The following PEPD variants were observed in gnomAD, a reference collection of about 807,000 sequenced individuals.
PEPD encodes the protein peptidase D.
Under a neutral mutation model 60.7 loss-of-function variants are expected in PEPD, and 53 were observed. The ratio of observed to expected loss-of-function variants is 0.87; its 90% CI spans 0.70 to 1.10. The LOEUF (loss-of-function observed/expected upper bound fraction) is 1.10, where lower values mean the gene tolerates loss of function less well. Among genes scored for constraint, PEPD ranks in the 50% least tolerant of loss-of-function variants. The pLI is 0.00. For missense variants in PEPD, 711 were observed against 711.9 expected (o/e 1.00, Z 0.01); for synonymous variants, 267 against 284.1 (o/e 0.94, Z 0.60).
Position 33,391,312 on chromosome 19 carries a change from C to T in PEPD, c.1135G>A (p.Val379Met), listed in dbSNP as rs771617102. 32 of 1,611,464 alleles carry T rather than the reference C, an allele frequency of 2.0e-5. No individual in the cohort carries two copies. Among genetic ancestry groups the T allele is most frequent in the Admixed American group, 3.3e-5 (2 of 59,840 alleles). ...GHFLGIDVHD[V>M]GGYPEGVERI... ...ACACTGACCTCTGGGTAGCCTCCCACGTCGTGCACGTCAATGCCCAGGAAG... is the reference window on the plus strand; with the variant it reads ...ACACTGACCTCTGGGTAGCCTCCCATGTCGTGCACGTCAATGCCCAGGAAG... Residue 379 changes from valine (V) to methionine (M), a missense_variant, in exon 13 of 15, where the codon GTG becomes ATG. By Grantham distance (21) the Val-to-Met change is conservative (BLOSUM62 1). Transcript: ENST00000244137.
At chr19:33,399,591 G>T (rs1320430901) in intron 12 of PEPD, among the ~76,000 whole-genome samples, 2 of 152,110 alleles carry the variant, frequency 1.3e-5, no homozygotes, top group African/African-American at 4.8e-5. Flanking sequence ...GCAAAGGCCT[G>T]CCCACAGTCT....
At chr19:33,478,172 C>T in intron 6 of PEPD, 82 bp from the exon 7 acceptor site, 1 of 864,766 alleles carries the variant, frequency 1.2e-6, no homozygotes, top group Non-Finnish European at 1.9e-6. Context: ...AAGACATGCA[C>T]ACGTGATGCA....
At chr19:33,391,111 CCT>C (rs978358342) in intron 13 of PEPD, among the ~76,000 whole-genome samples, 182 bp downstream of exon 13, 18 of 152,270 alleles carry the variant, frequency 1.2e-4, no homozygotes, top group South Asian at 4.1e-4. Flanking sequence ...CAGATGCACC[CCT>C]GTCTTGGCCA....
At chr19:33,435,220 ACCCAAAGGCCCCT>A (rs905223545) in intron 9 of PEPD, among the ~76,000 whole-genome samples, 2 of 152,064 alleles carry the variant, frequency 1.3e-5, no homozygotes, top group African/African-American at 4.8e-5. Context: ...TCATTTCCAA[ACCCAAAGGCCCCT>A]CGGCTGGGCC....
intron 9 of PEPD, among the ~76,000 whole-genome samples, chr19:33,448,146 A>C (rs557120035): frequency 6.6e-6 from 1 of 152,200 alleles, no homozygotes; most frequent in African/African-American, 2.4e-5. Context: ...TCCCGCAGGG[A>C]GCGTCTTTCG....
intron 6 of PEPD, among the ~76,000 whole-genome samples, chr19:33,484,573 G>A (rs1026344249): frequency 2.0e-5 from 3 of 152,150 alleles, no homozygotes; most frequent in Non-Finnish European, 2.9e-5. Context: ...ACACACAGAT[G>A]TAGGCAGGCA....
intron 4 of PEPD, among the ~76,000 whole-genome samples, chr19:33,499,139 C>T (rs1437174850): frequency 6.6e-6 from 1 of 152,072 alleles, no homozygotes; most frequent in Non-Finnish European, 1.5e-5. Flanking sequence ...ATAAACGTTC[C>T]GTCTATTTTA....
chr19:33,447,985 A>C (rs1969623190), intron 9 of PEPD, among the ~76,000 whole-genome samples: 1 of 152,168 alleles, frequency 6.6e-6, no homozygotes. Context: ...GAGGAGCCTC[A>C]ACTTTGGTTT....
chr19:33,442,963 A>G (rs1289033411), intron 9 of PEPD, among the ~76,000 whole-genome samples: 1 of 152,142 alleles, frequency 6.6e-6, no homozygotes, highest in Non-Finnish European at 1.5e-5. Context: ...CTGCCTCCCC[A>G]GGGCCCAGAA....
chr19:33,400,199 G>A lies in PEPD; in HGVS notation c.967+1522C>T, dbSNP rs534632886. Among the ~76,000 whole-genome samples, 527 of 152,286 alleles carry A rather than the reference G, an allele frequency of 3.5e-3. 4 individuals carry two copies. The highest frequency in any genetic ancestry group is 0.012 in the African/African-American group (510 of 41,564). On this transcript the variant is annotated intron_variant, in intron 12 of 14. Transcript: ENST00000244137. ...GGGCGAGGGTGGGGGCAAGCTGGGG[G>A]GGCTGGACTATGACCTGGGCATGGC... is the stretch of plus-strand genomic sequence containing the variant.
intron 9 of PEPD, among the ~76,000 whole-genome samples, chr19:33,438,168 AG>A (rs1969416611): frequency 6.6e-6 from 1 of 152,202 alleles, no homozygotes; most frequent in African/African-American, 2.4e-5. Flanking sequence ...GGGCAGACCC[AG>A]GGTGCTGGGT....
intron 11 of PEPD, among the ~76,000 whole-genome samples, chr19:33,406,328 G>A (rs1013568597): frequency 3.9e-5 from 6 of 152,248 alleles, no homozygotes; most frequent in African/African-American, 7.2e-5. Flanking sequence ...CCGAAAACGC[G>A]TGGGCAGGTG....
chr19:33,471,428 T>A (rs1218227800), intron 7 of PEPD, among the ~76,000 whole-genome samples: 1 of 152,164 alleles, frequency 6.6e-6, no homozygotes, highest in Non-Finnish European at 1.5e-5. Flanking sequence ...CTCCCTGTCT[T>A]CAGGAGGAAT....
chr19:33,435,553 C>G (rs540211768), intron 9 of PEPD, among the ~76,000 whole-genome samples: 1 of 152,216 alleles, frequency 6.6e-6, no homozygotes, highest in African/African-American at 2.4e-5. Context: ...AACCAACCCC[C>G]CTCGTTCGGT....
chr19:33,403,282 G>A (rs1356167777), intron 11 of PEPD, among the ~76,000 whole-genome samples: 1 of 152,224 alleles, frequency 6.6e-6, no homozygotes, highest in African/African-American at 2.4e-5. Context: ...TGATGACCCT[G>A]GCTGGCGGAG....
intron 3 of PEPD, among the ~76,000 whole-genome samples, chr19:33,509,281 C>A (rs886752053): frequency 5.3e-5 from 8 of 152,258 alleles, no homozygotes; most frequent in African/African-American, 1.7e-4. Flanking sequence ...CACTCCGTGC[C>A]CTTCTTCCCA....
chr19:33,439,721 C>T (rs1210089095), intron 9 of PEPD, among the ~76,000 whole-genome samples: 1 of 152,224 alleles, frequency 6.6e-6, no homozygotes, highest in Non-Finnish European at 1.5e-5. Flanking sequence ...CCTGAAGAGG[C>T]TGTCCCCAGC....
At chr19:33,437,886 G>T (rs1307956657) in intron 9 of PEPD, among the ~76,000 whole-genome samples, 2 of 152,172 alleles carry the variant, frequency 1.3e-5, no homozygotes, top group African/African-American at 2.4e-5. Flanking sequence ...GTTGGAAGAG[G>T]CAGGGTCCAA....
Position 33,493,235 on chromosome 19 carries a change from T to C in PEPD, c.441+55A>G, listed in dbSNP as rs74566304. On this transcript the variant is annotated intron_variant, in intron 5 of 14. Transcript: ENST00000244137. ...ACCTCTGCAGGAGAGGTGGCCCCCATAAAAACCCTCCCCAGAGCCAAGCAC... is the reference window on the plus strand; with the variant it reads ...ACCTCTGCAGGAGAGGTGGCCCCCACAAAAACCCTCCCCAGAGCCAAGCAC... 2.2e-4 allele frequency: 288 copies of C among 1,333,836 alleles called. 1 individual carries two copies. The East Asian group carries it at 6.6e-3, about 31-fold the overall frequency. The allele number at this position is 1,333,836 out of a possible 1,614,324, so 82.6% of individuals were successfully genotyped here.
Sources: gnomAD v4.1 joint callset for allele counts (sites outside exome capture counted in the v4.1 genomes callset) on GRCh38, gnomAD v4.1.1 for gene constraint, MANE v1.5 for transcripts, NCBI Gene and HGNC (gene_info 2026-07-23, HGNC 2026-07-21) for gene names.